STK24: variants seen among roughly 807,000 people sequenced by gnomAD.
The protein encoded by STK24 is serine/threonine kinase 24.
In STK24, 21 loss-of-function variants were observed where a neutral mutation model predicts 55.6. That is an observed-to-expected ratio of 0.38 (90% CI 0.27 to 0.54). The LOEUF is 0.54. Ranked by LOEUF, STK24 falls within the 20% of genes least tolerant of loss-of-function variation. The pLI is 0.79. For synonymous variants in STK24, 200 were observed against 215.2 expected, an observed-to-expected ratio of 0.93 and a Z score of 0.62; for missense variants, 383 against 538.4, an observed-to-expected ratio of 0.71 and a Z score of 2.86.
chr13:98,482,555 T>A (rs1302473967), intron 2 of STK24, among the ~76,000 whole-genome samples: 2 of 152,124 alleles, frequency 1.3e-5, no homozygotes, highest in African/African-American at 4.8e-5. Flanking sequence ...CGCACCTGAC[T>A]CCCCAGGGCT....
intron 2 of STK24, among the ~76,000 whole-genome samples, chr13:98,487,449 A>C (rs1165735997): frequency 6.6e-6 from 1 of 152,230 alleles, no homozygotes; most frequent in African/African-American, 2.4e-5. Context: ...AAAGGTGCCA[A>C]AGTATATACA....
intron 9 of STK24, among the ~76,000 whole-genome samples, chr13:98,457,900 C>A (rs1373404170): frequency 6.6e-6 from 1 of 152,202 alleles, no homozygotes; most frequent in Admixed American, 6.5e-5. Context: ...GTGCCTTTCC[C>A]AAGTCTCACC....
chr13:98,562,888 T>G (rs1325695020), intron 1 of STK24, among the ~76,000 whole-genome samples: 14 of 139,678 alleles, frequency 1.0e-4, no homozygotes, highest in Non-Finnish European at 1.8e-4. Flanking sequence ...TACACTCCAG[T>G]CTGGGCAACA....
In STK24 at chr13:98,453,025, G is replaced by T; in HGVS notation, c.*148C>A. The T allele has an allele frequency of 1.3e-6, 1 of 765,122 alleles. No individual in the cohort carries two copies. Among genetic ancestry groups the T allele is most frequent in the Non-Finnish European group, 2.1e-6 (1 of 470,840 alleles). 47.4% of individuals were successfully genotyped at this position (765,122 alleles called of 1,614,324 possible). ...GGCTGCAGCACAGTGAAGACTGTGT[G>T]TGTCCCTGGACGGGCGCCTGGCGCT... is the stretch of plus-strand genomic sequence containing the variant. On this transcript the variant is annotated 3_prime_UTR_variant, in exon 11 of 11. Coordinates refer to ENST00000539966, the MANE Select transcript of STK24 (RefSeq NM_001032296.4).
intron 1 of STK24, among the ~76,000 whole-genome samples, chr13:98,564,520 G>T (rs9584865): frequency 0.17 from 25,467 of 152,228 alleles, 2,192 homozygotes; most frequent in African/African-American, 0.18. Context: ...ACCCAGGGCA[G>T]AGGAGCTGAA....
intron 1 of STK24, among the ~76,000 whole-genome samples, chr13:98,567,867 C>T (rs1897626653): frequency 7.1e-6 from 1 of 141,350 alleles, no homozygotes; most frequent in African/African-American, 2.7e-5. Flanking sequence ...AAAACCACCA[C>T]ATACCTGAAA....
At chr13:98,459,988 C>A (rs1454651512) in intron 9 of STK24, among the ~76,000 whole-genome samples, 1 of 152,172 alleles carries the variant, frequency 6.6e-6, no homozygotes, top group Admixed American at 6.5e-5. Flanking sequence ...TCAGGGGAAA[C>A]CGGAGGACTC....
At position 98,446,658 on chromosome 13, in the gene STK24, C is replaced by G. The variant is rs568885859; in HGVS notation, c.*6515G>C. ...GAAAAGCCACTTTGCTTTGTTTCCC[C>G]TTTCCAGGACAATCATCCCCTTGCC... On this transcript the variant is annotated 3_prime_UTR_variant, in exon 11 of 11. Transcript: ENST00000539966. 6.2e-7 allele frequency: 1 copy of G among 1,613,876 alleles called. No homozygotes were observed. Among genetic ancestry groups the G allele is most frequent in the Non-Finnish European group, 8.5e-7 (1 of 1,179,810 alleles).
rs767258965 is a variant in STK24 at position 98,463,755 on chromosome 13, CGAT to C, written c.862_864del (p.Ile288del). 6.2e-7 allele frequency: 1 copy of C among 1,614,178 alleles called. No homozygotes were observed. The highest frequency in any genetic ancestry group is 8.5e-7 in the Non-Finnish European group (1 of 1,180,038). On this transcript the variant is annotated inframe_deletion, in exon 7 of 11. Coordinates refer to ENST00000539966, the MANE Select transcript of STK24 (RefSeq NM_001032296.4). ...TCGGCCTTCCATCTCTTGTACCTGT[CGAT>C]GAGCTCGGTCAAGTAGGAAGTTTTC...
At chr13:98,494,439 C>T (rs1382348075) in intron 2 of STK24, among the ~76,000 whole-genome samples, 1 of 107,458 alleles carries the variant, frequency 9.3e-6, no homozygotes, top group Non-Finnish European at 2.1e-5. Context: ...GTGCCTCTAA[C>T]AGTATTATAA....
chr13:98,449,655 GC>G lies in STK24; in HGVS notation c.*3517del. 6.5e-6 allele frequency: 1 copy of G among 152,688 alleles called. No individual in the cohort carries two copies. Among genetic ancestry groups the G allele is most frequent in the East Asian group, 1.9e-4 (1 of 5,186 alleles). 9.5% of individuals were successfully genotyped at this position (152,688 alleles called of 1,614,324 possible). On this transcript the variant is annotated 3_prime_UTR_variant, in exon 11 of 11. Transcript: ENST00000539966. ...CAACTTGCAAACGGACGAAGAGCCT[GC>G]CGTGTGTTAATCATTTGCCTTACAA...
At chr13:98,522,039 A>G (rs547396886) in intron 1 of STK24, 8 of 1,414,194 alleles carry the variant, frequency 5.7e-6, no homozygotes, top group Non-Finnish European at 7.4e-6. Context: ...GAGTCCCTTC[A>G]AAGTCATCTG....
intron 2 of STK24, among the ~76,000 whole-genome samples, chr13:98,493,860 G>C (rs1353048596): frequency 6.8e-6 from 1 of 148,014 alleles, no homozygotes; most frequent in Non-Finnish European, 1.5e-5. Flanking sequence ...TTTTTTGAGA[G>C]GGAGTCTCAC....
chr13:98,498,789 T>C (rs959119835), intron 2 of STK24, among the ~76,000 whole-genome samples: 1 of 152,012 alleles, frequency 6.6e-6, no homozygotes, highest in Non-Finnish European at 1.5e-5. Flanking sequence ...TGCAGACCCA[T>C]GGCAGACACA....
At chr13:98,464,560 G>C (rs1157875282) in intron 6 of STK24, among the ~76,000 whole-genome samples, 1 of 140,902 alleles carries the variant, frequency 7.1e-6, no homozygotes, top group Non-Finnish European at 1.5e-5. Context: ...GCAGTGGCAC[G>C]ATTTCGGCTC....
chr13:98,528,468 C>T (rs973945777), intron 1 of STK24, among the ~76,000 whole-genome samples: 1 of 152,148 alleles, frequency 6.6e-6, no homozygotes. Context: ...AACCCAAGTG[C>T]GAAGTATCCT....
rs565677267 is a variant in STK24, at chr13:98,569,432, A to AC, written c.42+7312_42+7313insG. Among the ~76,000 whole-genome samples the AC allele has an allele frequency of 7.7e-4, 117 of 152,080 alleles. 2 individuals are homozygous for AC. In the South Asian group the frequency reaches 0.015, roughly 19 times the overall value. Reference sequence around the variant, plus strand: ...CAGAGACAAAAAAAAAAAAACAAAAAAAAACAAAACAGATATTCAACACAA... The same window carrying AC: ...CAGAGACAAAAAAAAAAAAACAAAAACAAAACAAAACAGATATTCAACACAA... On this transcript the variant is annotated intron_variant, in intron 1 of 10. Coordinates refer to ENST00000539966, the MANE Select transcript of STK24 (RefSeq NM_001032296.4).
At chr13:98,573,322 G>A (rs963299366) in intron 1 of STK24, among the ~76,000 whole-genome samples, 16 of 152,314 alleles carry the variant, frequency 1.1e-4, no homozygotes, top group African/African-American at 3.4e-4. Context: ...AAGCCGATTG[G>A]TGTTCCTGCC....
chr13:98,553,301 A>T (rs1594664991), intron 1 of STK24: 1 of 152,136 alleles, frequency 6.6e-6, no homozygotes, highest in Non-Finnish European at 1.5e-5. Flanking sequence ...TAGTGTGCAA[A>T]CCTGCCGGTG....
Sources: allele counts gnomAD v4.1 joint callset (sites outside exome capture counted in the v4.1 genomes callset), GRCh38; gene constraint gnomAD v4.1.1; transcripts MANE v1.5; gene names NCBI Gene and HGNC (gene_info 2026-07-23, HGNC 2026-07-21).